CDH13: variants seen among roughly 807,000 people sequenced by gnomAD.
The protein encoded by CDH13 is cadherin 13.
A neutral mutation model predicts 63.8 loss-of-function variants in CDH13; 24 were observed. The ratio of observed to expected loss-of-function variants is 0.38; its 90% CI spans 0.27 to 0.53. CDH13 has a LOEUF of 0.53. Among genes scored for constraint, CDH13 ranks in the 20% least tolerant of loss-of-function variants. CDH13 has a pLI of 0.85. For synonymous variants in CDH13, 503 were observed against 355.3 expected (o/e 1.42, Z -4.67); for missense variants, 1,049 against 903.1 (o/e 1.16, Z -2.07).
Position 82,839,092 on chromosome 16 carries a change from G to C in CDH13, c.46-19270G>C, listed in dbSNP as rs142313213. ...CTGACAATAGGCTAAGATGTGGCCC[G>C]TGGGCTTTGGTTTGCCAATCAATGG... On this transcript the variant is annotated intron_variant, in intron 1 of 13. Transcript: ENST00000567109. Among the ~76,000 whole-genome samples the C allele has an allele frequency of 7.2e-5, 11 of 152,206 alleles. No individual in the cohort carries two copies. In the South Asian group the frequency reaches 1.0e-3, roughly 14 times the overall value.
At chr16:83,297,495 A>C (rs142059068) in intron 5 of CDH13, among the ~76,000 whole-genome samples, 82 of 152,328 alleles carry the variant, frequency 5.4e-4, no homozygotes, top group African/African-American at 1.9e-3. Context: ...TGCTGTTCTC[A>C]AATAGCTCTA....
Position 83,790,905 on chromosome 16 carries a change from C to G in CDH13, c.2135-4118C>G, listed in dbSNP as rs376578688. 1.8e-4 allele frequency among the ~76,000 whole-genome samples: 28 copies of G among 152,282 alleles called. No individual in the cohort carries two copies. The East Asian group carries it at 4.6e-3, about 25-fold the overall frequency. On this transcript the variant is annotated intron_variant, in intron 13 of 13. Coordinates refer to ENST00000567109, the MANE Select transcript of CDH13 (RefSeq NM_001257.5). ...GACCATTGCTTTCTGCTTAATTAACCAGTATTAGCAAGAATGTAAAAGGAC... is the reference window on the plus strand; with the variant it reads ...GACCATTGCTTTCTGCTTAATTAACGAGTATTAGCAAGAATGTAAAAGGAC...
chr16:82,866,501 G>T (rs1363489877), intron 2 of CDH13, among the ~76,000 whole-genome samples: 1 of 141,724 alleles, frequency 7.1e-6, no homozygotes, highest in East Asian at 2.3e-4. Flanking sequence ...CGATTCTCCT[G>T]CCTCAGCTTC....
intron 8 of CDH13, among the ~76,000 whole-genome samples, chr16:83,658,692 C>T (rs1416101064): frequency 1.3e-5 from 2 of 150,922 alleles, no homozygotes; most frequent in Admixed American, 6.6e-5. Flanking sequence ...TCCTCACCAC[C>T]AGGTCCCATA....
intron 1 of CDH13, among the ~76,000 whole-genome samples, chr16:82,838,931 T>G (rs1049460250): frequency 2.6e-4 from 39 of 152,208 alleles, no homozygotes; most frequent in Non-Finnish European, 1.8e-4. Flanking sequence ...AGATAATAAA[T>G]TTTCAGACAT....
intron 5 of CDH13, among the ~76,000 whole-genome samples, chr16:83,262,170 G>A (rs1054549148): frequency 6.6e-6 from 1 of 152,192 alleles, no homozygotes; most frequent in Admixed American, 6.5e-5. Flanking sequence ...TTGAATATAA[G>A]AGGGTAACAG....
intron 11 of CDH13, chr16:83,772,812 G>C (rs996620888): frequency 6.6e-6 from 1 of 152,182 alleles, no homozygotes; most frequent in African/African-American, 2.4e-5. Context: ...GGCTTACCTG[G>C]ATTATCACAA....
At chr16:83,726,199 T>C (rs1372132013) in intron 10 of CDH13, 1 of 152,224 alleles carries the variant, frequency 6.6e-6, no homozygotes, top group Non-Finnish European at 1.5e-5. Context: ...TGTCATAATG[T>C]ATCAGTTAGA....
At chr16:83,282,602 A>T (rs1004985557) in intron 5 of CDH13, among the ~76,000 whole-genome samples, 1 of 152,228 alleles carries the variant, frequency 6.6e-6, no homozygotes, top group Non-Finnish European at 1.5e-5. Context: ...AAATTTTGCA[A>T]CATACATGCC....
At chr16:83,423,202 A>G (rs975811551) in intron 6 of CDH13, among the ~76,000 whole-genome samples, 6 of 152,208 alleles carry the variant, frequency 3.9e-5, no homozygotes, top group African/African-American at 1.2e-4. Flanking sequence ...GCACAGTTTA[A>G]GAATTGTGTA....
intron 4 of CDH13, among the ~76,000 whole-genome samples, chr16:83,176,591 C>G (rs2038134951): frequency 6.6e-6 from 1 of 151,048 alleles, no homozygotes; most frequent in African/African-American, 2.4e-5. Flanking sequence ...TAGTGGGGGT[C>G]CAGTTCATCC....
chr16:83,197,869 A>G (rs1257995010), intron 4 of CDH13, among the ~76,000 whole-genome samples: 1 of 152,044 alleles, frequency 6.6e-6, no homozygotes, highest in East Asian at 1.9e-4. Flanking sequence ...GCAAATCTGA[A>G]TAAGATCTGT....
chr16:83,657,465 A>G (rs1912968739), intron 8 of CDH13, among the ~76,000 whole-genome samples: 1 of 152,234 alleles, frequency 6.6e-6, no homozygotes, highest in Non-Finnish European at 1.5e-5. Flanking sequence ...TTTGACCCCC[A>G]GAGCAGCACT....
intron 3 of CDH13, among the ~76,000 whole-genome samples, chr16:83,039,986 C>T (rs1008207980): frequency 6.6e-6 from 1 of 151,836 alleles, no homozygotes; most frequent in African/African-American, 2.4e-5. Flanking sequence ...AGACACCTGC[C>T]TGGCTCTCTC....
intron 1 of CDH13, among the ~76,000 whole-genome samples, chr16:82,770,711 T>A (rs1197786602): frequency 6.6e-6 from 1 of 152,210 alleles, no homozygotes; most frequent in Non-Finnish European, 1.5e-5. Flanking sequence ...ATTTTCTATA[T>A]TTCCTTTTTT....
intron 2 of CDH13, among the ~76,000 whole-genome samples, chr16:82,880,946 T>A (rs1402042759): frequency 6.6e-6 from 1 of 152,156 alleles, no homozygotes; most frequent in Non-Finnish European, 1.5e-5. Context: ...GGGATAAACT[T>A]TGTGAGAACA....
chr16:82,655,676 G>A (rs1302990076), intron 1 of CDH13, among the ~76,000 whole-genome samples: 2 of 152,090 alleles, frequency 1.3e-5, no homozygotes, highest in Non-Finnish European at 2.9e-5. Context: ...GCCTACAGAA[G>A]CTTACCTCCT....
intron 3 of CDH13, among the ~76,000 whole-genome samples, chr16:83,093,740 CCTT>C (rs1406621297): frequency 6.6e-6 from 1 of 152,204 alleles, no homozygotes; most frequent in Non-Finnish European, 1.5e-5. Flanking sequence ...ACCTCCACTC[CCTT>C]CTTCTCAGTC....
intron 2 of CDH13, among the ~76,000 whole-genome samples, chr16:82,911,769 C>G (rs950666576): frequency 2.6e-5 from 4 of 152,174 alleles, no homozygotes; most frequent in South Asian, 4.2e-4. Flanking sequence ...AGCCTAGGTC[C>G]CTCACACCTA....
Sources: gnomAD v4.1 joint callset for allele counts (sites outside exome capture counted in the v4.1 genomes callset) on GRCh38, gnomAD v4.1.1 for gene constraint, MANE v1.5 for transcripts, NCBI Gene and HGNC (gene_info 2026-07-23, HGNC 2026-07-21) for gene names.